Variants in USP10 observed in about 807,000 individuals in gnomAD.
The protein encoded by USP10 is ubiquitin specific peptidase 10.
USP10 carries 22 observed loss-of-function variants against 84.5 expected under a neutral mutation model. The ratio of observed to expected loss-of-function variants is 0.26; its 90% CI spans 0.19 to 0.37. USP10 has a LOEUF of 0.37. Among genes scored for constraint, USP10 ranks in the 10% least tolerant of loss-of-function variants. The pLI, the probability that USP10 is intolerant of heterozygous loss-of-function variation, is 1.00. For missense variants in USP10, 1,019 were observed against 998.9 expected, an observed-to-expected ratio of 1.02 and a Z score of -0.27; for synonymous variants, 454 against 387.6, an observed-to-expected ratio of 1.17 and a Z score of -2.01.
At position 84,778,758 on chromosome 16, in the gene USP10, T is replaced by C. The variant is rs1004736812; in HGVS notation, c.2210-137T>C. 4.9e-6 allele frequency: 4 copies of C among 813,268 alleles called. No homozygotes were observed. The African/African-American group carries it at 5.2e-5, about 11-fold the overall frequency. 50.4% of individuals were successfully genotyped at this position (813,268 alleles called of 1,614,324 possible). On this transcript the variant is annotated intron_variant, in intron 13 of 13. Coordinates refer to ENST00000219473, the MANE Select transcript of USP10 (RefSeq NM_005153.3). ...GTTGAAATAGCATTGGTTTGTGTGA[T>C]GACATCTCTCTGTCCCACCTGCTTT... is the stretch of plus-strand genomic sequence containing the variant.
chr16:84,764,378 C>G (rs890145086), intron 10 of USP10, 115 bp downstream of exon 10: 15 of 1,376,864 alleles, frequency 1.1e-5, no homozygotes, highest in Non-Finnish European at 1.3e-5. Context: ...TGGTTTGCAT[C>G]TTGCTCCCCT....
intron 3 of USP10, among the ~76,000 whole-genome samples, chr16:84,742,383 C>A (rs895361991): frequency 1.3e-5 from 2 of 152,240 alleles, no homozygotes; most frequent in Non-Finnish European, 2.9e-5. Flanking sequence ...TCCCCTCCCT[C>A]CATGTTTTCA....
intron 8 of USP10, among the ~76,000 whole-genome samples, chr16:84,761,713 TC>T (rs1913225097): frequency 6.6e-6 from 1 of 152,264 alleles, no homozygotes; most frequent in Non-Finnish European, 1.5e-5. Context: ...AGCAAAGTGT[TC>T]AGCAGAAAGC....
chr16:84,707,785 A>C (rs1005999433), intron 1 of USP10, among the ~76,000 whole-genome samples: 1 of 152,120 alleles, frequency 6.6e-6, no homozygotes, highest in Non-Finnish European at 1.5e-5. Flanking sequence ...TTCTTAAGAA[A>C]TATTTTGGGC....
At chr16:84,738,557 G>A (rs779616001) in intron 2 of USP10, among the ~76,000 whole-genome samples, 2 of 152,176 alleles carry the variant, frequency 1.3e-5, no homozygotes, top group African/African-American at 2.4e-5. Context: ...ATGCTGGTGT[G>A]TGGAATGGTC....
intron 10 of USP10, among the ~76,000 whole-genome samples, chr16:84,765,747 G>A (rs1473462739): frequency 6.6e-6 from 1 of 152,240 alleles, no homozygotes; most frequent in Non-Finnish European, 1.5e-5. Flanking sequence ...AGTGAAGAGA[G>A]TGTGAAGGGA....
intron 11 of USP10, among the ~76,000 whole-genome samples, chr16:84,770,560 C>G (rs1235130810): frequency 6.6e-6 from 1 of 152,210 alleles, no homozygotes; most frequent in East Asian, 1.9e-4. Flanking sequence ...ATCACGAGGT[C>G]AGGAGATCGA....
intron 1 of USP10, among the ~76,000 whole-genome samples, chr16:84,700,645 A>G (rs1290908723): frequency 6.6e-6 from 1 of 152,176 alleles, no homozygotes; most frequent in Non-Finnish European, 1.5e-5. Flanking sequence ...TTTTTTAGAT[A>G]GAAGTAGCAG....
chr16:84,714,670 T>C (rs777819837), intron 1 of USP10, among the ~76,000 whole-genome samples: 1 of 152,138 alleles, frequency 6.6e-6, no homozygotes, highest in East Asian at 1.9e-4. Context: ...TGGTCCAATT[T>C]TTAGTTGTTA....
intron 1 of USP10, among the ~76,000 whole-genome samples, chr16:84,705,483 G>C (rs573384145): frequency 5.9e-5 from 9 of 151,476 alleles, no homozygotes; most frequent in South Asian, 2.1e-4. Flanking sequence ...CGCCCACCTC[G>C]GCCTCCCAAA....
In USP10 at chr16:84,745,513, C is replaced by T. The variant is rs1335223573; in HGVS notation, c.1032C>T (p.Ser344=). ...LPVSQPKSWA[S]LFHDSKPSSS... is the part of the protein sequence containing the mutation. ...TCAGCCAGCCCAAGTCCTGGGCCAGCCTCTTTCATGATTCTAAGCCCTCTT... is the reference window on the plus strand; with the variant it reads ...TCAGCCAGCCCAAGTCCTGGGCCAGTCTCTTTCATGATTCTAAGCCCTCTT... The change falls in exon 4 of 14, where the codon AGC becomes AGT. Residue 344 remains serine, a synonymous_variant. Transcript: ENST00000219473. 3.7e-6 allele frequency: 6 copies of T among 1,613,526 alleles called. No individual in the cohort carries two copies. The East Asian group carries it at 1.1e-4, about 30-fold the overall frequency.
At chr16:84,732,423 T>C (rs1426670552) in intron 1 of USP10, 1 of 401,034 alleles carries the variant, frequency 2.5e-6, no homozygotes, top group South Asian at 1.8e-5. Flanking sequence ...TGCTAATTCT[T>C]CTCAATGACT....
chr16:84,764,920 C>CGAAAGA (rs1913655643), intron 10 of USP10, among the ~76,000 whole-genome samples: 1 of 55,046 alleles, frequency 1.8e-5, no homozygotes, highest in African/African-American at 9.4e-5. Flanking sequence ...ACAATAACCA[C>CGAAAGA]GAGAGAGAGA....
intron 4 of USP10, 101 bp downstream of exon 4, chr16:84,745,774 G>T: frequency 8.0e-7 from 1 of 1,252,524 alleles, no homozygotes; most frequent in Non-Finnish European, 1.1e-6. Context: ...CAGATTACCT[G>T]TGTGTTAATA....
At chr16:84,765,017 G>T (rs1913692269) in intron 10 of USP10, among the ~76,000 whole-genome samples, 1 of 150,222 alleles carries the variant, frequency 6.7e-6, no homozygotes, top group Non-Finnish European at 1.5e-5. Context: ...AGAGGTTGCA[G>T]TGAGCCAAGA....
At chr16:84,700,408 C>T (rs562139642) in intron 1 of USP10, among the ~76,000 whole-genome samples, 1 of 151,894 alleles carries the variant, frequency 6.6e-6, no homozygotes, top group East Asian at 1.9e-4. Context: ...GGGGCTGGAC[C>T]GCGGGGCGAG....
intron 4 of USP10, among the ~76,000 whole-genome samples, chr16:84,751,897 G>A (rs1024506038): frequency 2.6e-5 from 4 of 152,154 alleles, no homozygotes; most frequent in African/African-American, 9.7e-5. Context: ...TGTAAAATAT[G>A]TGTAAGAATA....
rs766929063 is a variant in USP10 at position 84,779,009 on chromosome 16, A to T, written c.2324A>T (p.Gln775Leu). The T allele has an allele frequency of 6.2e-7, 1 of 1,614,064 alleles. No homozygotes were observed. Among genetic ancestry groups the T allele is most frequent in the Non-Finnish European group, 8.5e-7 (1 of 1,179,906 alleles). The stretch of plus-strand genomic sequence containing the variant: ...GACCAGACAGTCAAGGTGATCAACC[A>T]GTACCAGGTGGTGAAACCAACTGCT... The part of the protein sequence containing the change: ...IDDQTVKVIN[Q>L]YQVVKPTAER... Residue 775 changes from glutamine (Q) to leucine (L), a missense_variant, in exon 14 of 14, where the codon CAG becomes CTG. By Grantham distance (113) the Gln-to-Leu change is moderately radical. This residue lies in a region of USP10 where 232 missense variants were observed against 290.1 expected (regional missense o/e 0.80). Coordinates refer to ENST00000219473, the MANE Select transcript of USP10 (RefSeq NM_005153.3).
At chr16:84,765,004 G>C (rs13343260) in intron 10 of USP10, among the ~76,000 whole-genome samples, 32,674 of 147,584 alleles carry the variant, frequency 0.22, 3,788 homozygotes, top group South Asian at 0.31. Flanking sequence ...ACCTCCGGGA[G>C]GCAGAGGTTG....
Sources: gnomAD v4.1 joint callset for allele counts (sites outside exome capture counted in the v4.1 genomes callset) on GRCh38, gnomAD v4.1.1 for gene constraint, gnomAD v4.1.1 regional missense constraint, MANE v1.5 for transcripts, NCBI Gene and HGNC (gene_info 2026-07-23, HGNC 2026-07-21) for gene names.